The following NR1H4 variants were observed in gnomAD, a reference collection of about 807,000 sequenced individuals.
The protein encoded by NR1H4 is bile acid receptor.
Under a neutral mutation model 58.5 loss-of-function variants are expected in NR1H4, and 23 were observed. The ratio of observed to expected loss-of-function variants is 0.39; its 90% CI spans 0.28 to 0.56. The LOEUF (loss-of-function observed/expected upper bound fraction) is 0.56. NR1H4 is among the 20% of genes least tolerant of loss of function. The pLI, the probability that NR1H4 is intolerant of heterozygous loss-of-function variation, is 0.58. For synonymous variants in NR1H4, 214 were observed against 198.0 expected, an observed-to-expected ratio of 1.08 and a Z score of -0.68; for missense variants, 487 against 576.9, an observed-to-expected ratio of 0.84 and a Z score of 1.60.
intron 4 of NR1H4, among the ~76,000 whole-genome samples, chr12:100,529,801 G>A (rs1041445031): frequency 3.9e-5 from 6 of 152,080 alleles, no homozygotes; most frequent in African/African-American, 2.4e-5. Flanking sequence ...TCTTCGGGGC[G>A]CTTGACTTCT....
chr12:100,497,327 G>T (rs1037391042), intron 3 of NR1H4, among the ~76,000 whole-genome samples: 5 of 152,172 alleles, frequency 3.3e-5, no homozygotes, highest in Admixed American at 3.3e-4. Context: ...GGAACGTGCG[G>T]CATGCTCTTG....
At chr12:100,514,404 A>G (rs1186375769) in intron 4 of NR1H4, among the ~76,000 whole-genome samples, 2 of 152,192 alleles carry the variant, frequency 1.3e-5, no homozygotes, top group African/African-American at 4.8e-5. Flanking sequence ...TCCTGTTGCT[A>G]TGAACTGATG....
In NR1H4 at chr12:100,496,277, A is replaced by T. The variant is rs547780014; in HGVS notation, c.79+2875A>T. 3.3e-5 allele frequency among the ~76,000 whole-genome samples: 5 copies of T among 152,308 alleles called. No individual in the cohort carries two copies. In the East Asian group the frequency reaches 9.6e-4, roughly 29 times the overall value. On this transcript the variant is annotated intron_variant, in intron 3 of 10. Coordinates refer to ENST00000392986, the MANE Select transcript of NR1H4 (RefSeq NM_001206979.2). Reference sequence around the variant, plus strand: ...ATTTGGACCTACAGATGCCCAAGGTAGTGATACATGCTATGAAGGCAACAA... The same window carrying T: ...ATTTGGACCTACAGATGCCCAAGGTTGTGATACATGCTATGAAGGCAACAA...
chr12:100,499,768 A>G (rs993721881), intron 3 of NR1H4: 1 of 432,746 alleles, frequency 2.3e-6, no homozygotes. Context: ...AATAATTGTA[A>G]TGATAACAGC....
At chr12:100,488,515 A>G (rs1017369156) in intron 1 of NR1H4, among the ~76,000 whole-genome samples, 2 of 152,232 alleles carry the variant, frequency 1.3e-5, no homozygotes, top group Non-Finnish European at 2.9e-5. Flanking sequence ...GTCATTAGAA[A>G]TTAAAAAAAT....
chr12:100,547,894 G>A (rs991970541), intron 9 of NR1H4, among the ~76,000 whole-genome samples: 4 of 150,464 alleles, frequency 2.7e-5, no homozygotes, highest in South Asian at 2.1e-4. Flanking sequence ...CTAATTTTTT[G>A]TATTTTTAGT....
intron 9 of NR1H4, among the ~76,000 whole-genome samples, chr12:100,553,655 A>G (rs1353155308): frequency 6.6e-6 from 1 of 152,208 alleles, no homozygotes; most frequent in Non-Finnish European, 1.5e-5. Flanking sequence ...CAAGAAACCC[A>G]GAGGAAGGGT....
At chr12:100,548,084 T>C (rs944633831) in intron 9 of NR1H4, among the ~76,000 whole-genome samples, 1 of 149,882 alleles carries the variant, frequency 6.7e-6, no homozygotes, top group Non-Finnish European at 1.5e-5. Flanking sequence ...AGAATACTTA[T>C]GAGCTGAGTG....
intron 9 of NR1H4, among the ~76,000 whole-genome samples, chr12:100,558,727 C>A (rs1246547872): frequency 1.3e-5 from 2 of 152,210 alleles, no homozygotes; most frequent in Non-Finnish European, 2.9e-5. Flanking sequence ...GTAGAGAGCA[C>A]AACATGTACA....
intron 1 of NR1H4, among the ~76,000 whole-genome samples, chr12:100,477,498 A>C (rs756670234): frequency 3.9e-5 from 6 of 152,194 alleles, no homozygotes; most frequent in African/African-American, 7.2e-5. Context: ...ATTACACTTT[A>C]ATTAATGTTA....
intron 9 of NR1H4, among the ~76,000 whole-genome samples, chr12:100,558,204 C>CAAAAAAA (rs569114964): frequency 1.2e-5 from 1 of 84,780 alleles, no homozygotes. Context: ...ACTAAAAATA[C>CAAAAAAA]AAAAAAAAAA....
At chr12:100,489,461 A>T (rs73378063) in intron 1 of NR1H4, among the ~76,000 whole-genome samples, 19,441 of 152,230 alleles carry the variant, frequency 0.13, 2,861 homozygotes, top group African/African-American at 0.36. Flanking sequence ...GCTGTGGCTG[A>T]GTACCATTAA....
intron 1 of NR1H4, among the ~76,000 whole-genome samples, chr12:100,474,281 T>G (rs1953221882): frequency 6.6e-6 from 1 of 152,218 alleles, no homozygotes; most frequent in African/African-American, 2.4e-5. Flanking sequence ...GCTTACCTAT[T>G]GAAAACTTAT....
At chr12:100,512,890 C>T (rs1234187476) in intron 4 of NR1H4, among the ~76,000 whole-genome samples, 1 of 152,156 alleles carries the variant, frequency 6.6e-6, no homozygotes, top group Non-Finnish European at 1.5e-5. Context: ...GACCCAGTCA[C>T]ATAAGATCGG....
intron 8 of NR1H4, among the ~76,000 whole-genome samples, chr12:100,539,332 A>G (rs1023606478): frequency 6.6e-6 from 1 of 152,208 alleles, no homozygotes; most frequent in African/African-American, 2.4e-5. Context: ...CTGAAGGGAT[A>G]TTTTGTGAAA....
At chr12:100,560,269 A>G (rs1251720361) in intron 9 of NR1H4, among the ~76,000 whole-genome samples, 1 of 152,218 alleles carries the variant, frequency 6.6e-6, no homozygotes, top group Non-Finnish European at 1.5e-5. Flanking sequence ...GAATAAAAGC[A>G]GGCTGCCCGA....
intron 1 of NR1H4, among the ~76,000 whole-genome samples, chr12:100,486,192 A>G (rs910767386): frequency 1.3e-5 from 2 of 152,148 alleles, no homozygotes; most frequent in African/African-American, 2.4e-5. Context: ...CTGGCACTCC[A>G]CCCTTAATCT....
At chr12:100,515,334 G>T (rs1056429907) in intron 4 of NR1H4, among the ~76,000 whole-genome samples, 1 of 151,916 alleles carries the variant, frequency 6.6e-6, no homozygotes, top group Non-Finnish European at 1.5e-5. Flanking sequence ...ACTATGCCCA[G>T]CTAATTTTTG....
intron 1 of NR1H4, among the ~76,000 whole-genome samples, chr12:100,490,166 A>G (rs1190433017): frequency 6.6e-6 from 1 of 152,240 alleles, no homozygotes; most frequent in Non-Finnish European, 1.5e-5. Flanking sequence ...TAGAGCCAAC[A>G]TTTCTTGAGG....
Sources: gnomAD v4.1 joint callset for allele counts (sites outside exome capture counted in the v4.1 genomes callset) on GRCh38, gnomAD v4.1.1 for gene constraint, MANE v1.5 for transcripts, NCBI Gene and HGNC (gene_info 2026-07-23, HGNC 2026-07-21) for gene names.